The following KAT14 variants were observed in gnomAD, a reference collection of about 807,000 sequenced individuals.
KAT14 encodes the protein lysine acetyltransferase 14, also known as cysteine-rich protein 2-binding protein.
A neutral mutation model predicts 78.4 loss-of-function variants in KAT14; 66 were observed. The ratio of observed to expected loss-of-function variants is 0.84; its 90% CI spans 0.69 to 1.03. The LOEUF (loss-of-function observed/expected upper bound fraction) is 1.03, where lower values mean the gene tolerates loss of function less well. Ranked by LOEUF, KAT14 falls within the 50% of genes least tolerant of loss-of-function variation. KAT14 has a pLI of 0.00. For missense variants in KAT14, 870 were observed against 972.5 expected (o/e 0.89, Z 1.40); for synonymous variants, 344 against 359.4 (o/e 0.96, Z 0.48).
chr20:18,149,722 C>A (rs2037966160), intron 3 of KAT14, among the ~76,000 whole-genome samples: 1 of 152,098 alleles, frequency 6.6e-6, no homozygotes, highest in African/African-American at 2.4e-5. Flanking sequence ...TCTGTAATCC[C>A]AGCACTTTTG....
intron 4 of KAT14, among the ~76,000 whole-genome samples, chr20:18,156,703 C>T (rs1488360204): frequency 6.6e-6 from 1 of 152,140 alleles, no homozygotes; most frequent in East Asian, 1.9e-4. Flanking sequence ...TTCTGTTAGC[C>T]ACAGGCCTTC....
At chr20:18,177,845 A>C (rs1458268021) in intron 7 of KAT14, among the ~76,000 whole-genome samples, 1 of 152,236 alleles carries the variant, frequency 6.6e-6, no homozygotes, top group Non-Finnish European at 1.5e-5. Flanking sequence ...CTGGAGCGGC[A>C]GTCATTGAAG....
chr20:18,182,877 A>G (rs556564115), intron 8 of KAT14, among the ~76,000 whole-genome samples: 4 of 152,070 alleles, frequency 2.6e-5, no homozygotes, highest in South Asian at 2.1e-4. Flanking sequence ...CTGTTTCCTC[A>G]CTGTTCATGA....
intron 4 of KAT14, among the ~76,000 whole-genome samples, chr20:18,151,203 A>G (rs1208654411): frequency 6.7e-6 from 1 of 150,360 alleles, no homozygotes; most frequent in Non-Finnish European, 1.5e-5. Flanking sequence ...TTATTTATTT[A>G]TTTATTTTTT....
At chr20:18,162,983 G>A (rs1345479187) in intron 7 of KAT14, 38 bp downstream of exon 7, 1 of 1,596,518 alleles carries the variant, frequency 6.3e-7, no homozygotes, top group Non-Finnish European at 8.5e-7. Flanking sequence ...CTTGGGGGCA[G>A]GAGTGGAGGT....
intron 3 of KAT14, among the ~76,000 whole-genome samples, chr20:18,145,658 G>T (rs559935638): frequency 6.6e-6 from 1 of 152,170 alleles, no homozygotes; most frequent in East Asian, 1.9e-4. Flanking sequence ...GTGGGCCCCT[G>T]TAATCCCAAC....
At chr20:18,179,418 G>A (rs1030515908) in intron 7 of KAT14, among the ~76,000 whole-genome samples, 1 of 152,214 alleles carries the variant, frequency 6.6e-6, no homozygotes, top group Non-Finnish European at 1.5e-5. Flanking sequence ...TGGGCATCCA[G>A]GTGTTTCCAT....
rs757038571 is a variant in KAT14 at position 18,150,847 on chromosome 20, G to T, written c.405G>T (p.Leu135Phe). 6.2e-7 allele frequency: 1 copy of T among 1,614,058 alleles called. No homozygotes were observed. The highest frequency in any genetic ancestry group is 8.5e-7 in the Non-Finnish European group (1 of 1,179,962). The change falls in exon 4 of 11, where the codon TTG becomes TTT. Residue 135 changes from leucine to phenylalanine, a missense_variant. Leu to Phe is a conservative substitution (Grantham distance 22). Coordinates refer to ENST00000688188, the MANE Select transcript of KAT14 (RefSeq NM_001392073.1). ...QQVVMLAMYN[L>F]SLEGSGRQGY... ...TCGTCATGTTGGCAATGTACAACTT[G>T]TCTCTGGAAGGAAGTGGACGTCAAG...
chr20:18,181,364 CTTTTTTTT>C (rs762890490), intron 7 of KAT14, among the ~76,000 whole-genome samples: 2 of 106,800 alleles, frequency 1.9e-5, no homozygotes, highest in African/African-American at 3.7e-5. Flanking sequence ...AATTTTGTTT[CTTTTTTTT>C]TTTTTTTTTT....
At chr20:18,155,947 A>G in intron 4 of KAT14, among the ~76,000 whole-genome samples, 1 of 152,242 alleles carries the variant, frequency 6.6e-6, no homozygotes, top group East Asian at 1.9e-4. Context: ...CCATGTTTTT[A>G]GCAGCATTAT....
At chr20:18,177,958 T>C (rs1244249688) in intron 7 of KAT14, among the ~76,000 whole-genome samples, 6 of 152,086 alleles carry the variant, frequency 3.9e-5, no homozygotes, top group African/African-American at 1.2e-4. Context: ...CTCTTCCTCA[T>C]TGAACCCCTG....
intron 4 of KAT14, 86 bp downstream of exon 4, chr20:18,151,028 G>A: frequency 6.6e-7 from 1 of 1,514,204 alleles, no homozygotes; most frequent in Non-Finnish European, 8.9e-7. Flanking sequence ...ATGTAGACTT[G>A]TTAGAGATTT....
chr20:18,147,750 A>G (rs1302426763), intron 3 of KAT14, among the ~76,000 whole-genome samples: 1 of 151,862 alleles, frequency 6.6e-6, no homozygotes, highest in African/African-American at 2.4e-5. Flanking sequence ...ATGCCTGGCT[A>G]ATTTTTTGTA....
chr20:18,172,542 C>T (rs984386762), intron 7 of KAT14, among the ~76,000 whole-genome samples: 1 of 151,978 alleles, frequency 6.6e-6, no homozygotes, highest in African/African-American at 2.4e-5. Flanking sequence ...GCTGGTATTA[C>T]AGGCATGAGC....
intron 7 of KAT14, 135 bp downstream of exon 7, chr20:18,163,080 G>C (rs2038508344): frequency 3.3e-6 from 4 of 1,213,142 alleles, no homozygotes; most frequent in Non-Finnish European, 4.5e-6. Context: ...TAAAGTGCAA[G>C]GGAAAAAAAT....
chr20:18,163,422 T>G (rs1293734563), intron 7 of KAT14, among the ~76,000 whole-genome samples: 1 of 152,146 alleles, frequency 6.6e-6, no homozygotes, highest in Non-Finnish European at 1.5e-5. Flanking sequence ...CCAAATTTTG[T>G]GGATGCTTCT....
intron 5 of KAT14, among the ~76,000 whole-genome samples, chr20:18,160,246 T>C (rs899841995): frequency 4.6e-5 from 7 of 152,136 alleles, no homozygotes; most frequent in Non-Finnish European, 8.8e-5. Context: ...GAAAATCAAA[T>C]AGTACTTAAG....
chr20:18,143,211 G>T, intron 2 of KAT14: 6 of 1,113,122 alleles, frequency 5.4e-6, no homozygotes, highest in African/African-American at 3.2e-5. Context: ...TTCTAACAAG[G>T]TCACAGAGAT....
chr20:18,138,418 C>A (rs1009852215), intron 1 of KAT14: 5 of 1,014,312 alleles, frequency 4.9e-6, no homozygotes, highest in Non-Finnish European at 5.9e-6. Context: ...CTTTCCACAT[C>A]TCACTTGGGC....
Sources: allele counts gnomAD v4.1 joint callset (sites outside exome capture counted in the v4.1 genomes callset), GRCh38; gene constraint gnomAD v4.1.1; transcripts MANE v1.5; gene names NCBI Gene and HGNC (gene_info 2026-07-23, HGNC 2026-07-21).